Variants in RBFOX1 observed in about 807,000 individuals in gnomAD.
RBFOX1 encodes the protein RNA binding protein fox-1 homolog 1.
Under a neutral mutation model 57.7 loss-of-function variants are expected in RBFOX1, and 8 were observed. The observed-to-expected ratio is 0.14, with a 90% CI of 0.08 to 0.25. The LOEUF (loss-of-function observed/expected upper bound fraction) is 0.25, where lower values mean the gene tolerates loss of function less well. Ranked by LOEUF, RBFOX1 falls within the 10% of genes least tolerant of loss-of-function variation. RBFOX1 has a pLI of 1.00. For missense variants in RBFOX1, 611 were observed against 548.5 expected, an observed-to-expected ratio of 1.11 and a Z score of -1.14; for synonymous variants, 326 against 222.4, an observed-to-expected ratio of 1.47 and a Z score of -4.15.
At chr16:5,809,928 A>C (rs1271015183) in intron 3 of RBFOX1, among the ~76,000 whole-genome samples, 1 of 152,178 alleles carries the variant, frequency 6.6e-6, no homozygotes, top group African/African-American at 2.4e-5. Flanking sequence ...ACCAACCCAA[A>C]TGTCCAACAA....
chr16:7,366,176 G>A (rs2147003014), intron 4 of RBFOX1, among the ~76,000 whole-genome samples: 1 of 152,330 alleles, frequency 6.6e-6, no homozygotes, highest in Middle Eastern at 3.4e-3. Flanking sequence ...AGCAAGACCA[G>A]GATGATTTTA....
chr16:5,420,679 G>A (rs548569522), intron 1 of RBFOX1, among the ~76,000 whole-genome samples: 4 of 152,058 alleles, frequency 2.6e-5, no homozygotes, highest in Non-Finnish European at 4.4e-5. Flanking sequence ...GACTACAGGC[G>A]TGCGCCACCA....
intron 3 of RBFOX1, among the ~76,000 whole-genome samples, chr16:6,880,355 T>C (rs117377113): frequency 0.012 from 1,829 of 152,300 alleles, 22 homozygotes; most frequent in Non-Finnish European, 0.02. Flanking sequence ...CCTTGGTTTT[T>C]AGTATTATAC....
intron 4 of RBFOX1, among the ~76,000 whole-genome samples, chr16:7,295,838 C>G (rs1451534886): frequency 2.0e-5 from 3 of 152,174 alleles, no homozygotes; most frequent in East Asian, 1.9e-4. Context: ...GGTGATCCAA[C>G]AAATTCAATT....
intron 4 of RBFOX1, among the ~76,000 whole-genome samples, chr16:5,930,994 G>A (rs2059043637): frequency 6.6e-6 from 1 of 151,854 alleles, no homozygotes; most frequent in Admixed American, 6.6e-5. Context: ...GCATGGATGG[G>A]TAGGTGGGAG....
At chr16:7,508,940 C>G (rs1014443952) in intron 4 of RBFOX1, among the ~76,000 whole-genome samples, 1 of 152,232 alleles carries the variant, frequency 6.6e-6, no homozygotes, top group African/African-American at 2.4e-5. Context: ...AAACCTCTCC[C>G]TTGACAAGCA....
At chr16:5,853,536 G>C (rs1426246322) in intron 3 of RBFOX1, among the ~76,000 whole-genome samples, 1 of 152,164 alleles carries the variant, frequency 6.6e-6, no homozygotes, top group Non-Finnish European at 1.5e-5. Context: ...ACCCTGACTT[G>C]GAGATCTCTC....
In RBFOX1 at chr16:5,625,644, G is replaced by A. The variant is rs1447472408; in HGVS notation, c.318+26683G>A. On this transcript the variant is annotated intron_variant, in intron 3 of 19. Transcript: ENST00000641259. ...GCAATCTTGGCTTACTGCAACCTCC[G>A]CCTCCTGGGTTCAAGTGATTCTCCT... Among the ~76,000 whole-genome samples, 7 of 151,616 alleles carry A rather than the reference G, an allele frequency of 4.6e-5. No homozygotes were observed. The East Asian group carries it at 5.8e-4, about 13-fold the overall frequency.
At position 6,058,216 on chromosome 16, in the gene RBFOX1, A is replaced by T. The variant is rs112960919; in HGVS notation, c.-127+38224A>T. On this transcript the variant is annotated intron_variant, in intron 1 of 15. Transcript: ENST00000550418. ...CTCATCAAAGTCATTTCCTATCAGAAATATGAGTGTTTATTGGTTTTCATT... is the reference window on the plus strand; with the variant it reads ...CTCATCAAAGTCATTTCCTATCAGATATATGAGTGTTTATTGGTTTTCATT... Among the ~76,000 whole-genome samples, 311 of 152,250 alleles carry T rather than the reference A, an allele frequency of 2.0e-3. 1 individual carries two copies. The highest frequency in any genetic ancestry group is 7.1e-3 in the African/African-American group (294 of 41,550).
chr16:6,317,379 G>A (rs1193446263), intron 2 of RBFOX1, among the ~76,000 whole-genome samples: 1 of 151,912 alleles, frequency 6.6e-6, no homozygotes, highest in Non-Finnish European at 1.5e-5. Context: ...TTTCTTATCA[G>A]GAGACATTCT....
intron 2 of RBFOX1, among the ~76,000 whole-genome samples, chr16:5,503,244 C>T (rs1055593900): frequency 6.6e-6 from 1 of 152,144 alleles, no homozygotes; most frequent in Non-Finnish European, 1.5e-5. Flanking sequence ...TATTTTTGTT[C>T]TTATAGGAAG....
chr16:6,976,688 C>CTATAGCATACATATCA lies in RBFOX1; in HGVS notation c.-15-75348_-15-75333dup, dbSNP rs1255508106. On this transcript the variant is annotated intron_variant, in intron 3 of 15. Coordinates refer to ENST00000550418, the MANE Select transcript of RBFOX1 (RefSeq NM_018723.4). Reference sequence around the variant, plus strand: ...GATATATATATCATATATATCATACCTATAGCATACATATCATATAGCATA... The same window carrying CTATAGCATACATATCA: ...GATATATATATCATATATATCATACCTATAGCATACATATCATATAGCATACATATCATATAGCATA... 1.2e-4 allele frequency among the ~76,000 whole-genome samples: 18 copies of CTATAGCATACATATCA among 148,228 alleles called. No homozygotes were observed. The East Asian group carries it at 3.5e-3, about 29-fold the overall frequency.
intron 3 of RBFOX1, among the ~76,000 whole-genome samples, chr16:6,812,841 G>A (rs1318767989): frequency 6.6e-6 from 1 of 152,180 alleles, no homozygotes; most frequent in African/African-American, 2.4e-5. Context: ...TACCATAGAA[G>A]ATGGAGCACT....
chr16:7,443,249 G>T (rs1054185948), intron 4 of RBFOX1, among the ~76,000 whole-genome samples: 5 of 151,828 alleles, frequency 3.3e-5, no homozygotes, highest in African/African-American at 1.2e-4. Flanking sequence ...CATTTCTCCA[G>T]TTTGATTCAT....
chr16:5,561,235 A>G (rs1054154980), intron 2 of RBFOX1, among the ~76,000 whole-genome samples: 4 of 152,042 alleles, frequency 2.6e-5, no homozygotes, highest in African/African-American at 4.8e-5. Flanking sequence ...AGCAGACTCT[A>G]TTATGGCCCA....
intron 3 of RBFOX1, among the ~76,000 whole-genome samples, chr16:6,708,118 C>T (rs1156935988): frequency 6.6e-6 from 1 of 152,180 alleles, no homozygotes; most frequent in Admixed American, 6.5e-5. Flanking sequence ...CTTTTGTTTA[C>T]TACCCACAGA....
In RBFOX1 at chr16:7,184,708, C is replaced by G. The variant is rs2083380975; in HGVS notation, c.27+132610C>G. ...AACCTGATTATGAGCTCTTGTGAAA[C>G]TTCTCTAAAAATTTGGGGCAATGTG... On this transcript the variant is annotated intron_variant, in intron 4 of 15. Transcript: ENST00000550418. Among the ~76,000 whole-genome samples, 4 of 152,130 alleles carry G rather than the reference C, an allele frequency of 2.6e-5. No homozygotes were observed. The South Asian group carries it at 8.3e-4, about 32-fold the overall frequency.
chr16:7,411,575 C>T (rs1052261249), intron 4 of RBFOX1, among the ~76,000 whole-genome samples: 17 of 152,156 alleles, frequency 1.1e-4, no homozygotes, highest in Non-Finnish European at 7.3e-5. Flanking sequence ...TGAGGGACAT[C>T]GTGCAAAATA....
intron 10 of RBFOX1, among the ~76,000 whole-genome samples, chr16:7,616,939 G>A (rs368727048): frequency 6.6e-6 from 1 of 151,640 alleles, no homozygotes; most frequent in Non-Finnish European, 1.5e-5. Context: ...AAATGTGCAA[G>A]GTTTGAGATA....
Sources: gnomAD v4.1 joint callset for allele counts (sites outside exome capture counted in the v4.1 genomes callset) on GRCh38, gnomAD v4.1.1 for gene constraint, MANE v1.5 for transcripts, NCBI Gene and HGNC (gene_info 2026-07-23, HGNC 2026-07-21) for gene names.